LNX2: variants seen among roughly 807,000 people sequenced by gnomAD.
LNX2 encodes the protein ligand of numb-protein X 2.
In LNX2, 35 loss-of-function variants were observed where a neutral mutation model predicts 66.2. The ratio of observed to expected loss-of-function variants is 0.53; its 90% CI spans 0.40 to 0.70. The LOEUF (loss-of-function observed/expected upper bound fraction) is 0.70, where lower values mean the gene tolerates loss of function less well. Ranked by LOEUF, LNX2 falls within the 30% of genes least tolerant of loss-of-function variation. The pLI is 0.00. For missense variants in LNX2, 791 were observed against 850.8 expected, an observed-to-expected ratio of 0.93 and a Z score of 0.87; for synonymous variants, 337 against 315.6, an observed-to-expected ratio of 1.07 and a Z score of -0.72.
At chr13:27,587,284 C>T (rs547910004) in intron 1 of LNX2, among the ~76,000 whole-genome samples, 55 of 152,210 alleles carry the variant, frequency 3.6e-4, no homozygotes, top group African/African-American at 1.2e-3. Flanking sequence ...TACTCTTGAG[C>T]GCTCCCCCCC....
At chr13:27,552,423 A>G (rs1206887675) in intron 8 of LNX2, among the ~76,000 whole-genome samples, 1 of 152,248 alleles carries the variant, frequency 6.6e-6, no homozygotes, top group African/African-American at 2.4e-5. Context: ...CTCAGAAAAT[A>G]GCAAATTCTT....
intron 8 of LNX2, 101 bp downstream of exon 8, chr13:27,553,106 CT>C (rs140699650): frequency 0.017 from 13,666 of 799,748 alleles, 3 homozygotes; most frequent in South Asian, 0.02. Context: ...TGAATTAAAG[CT>C]TTTTTTTTTA....
rs144416412 is a variant in LNX2, at chr13:27,571,837, A to T, written c.408-2561T>A. ...ATACTTGGAACTGAAAGAGAAAGGAAAAACTCAACATTTGTGGAGTGCCTA... is the reference window on the plus strand; with the variant it reads ...ATACTTGGAACTGAAAGAGAAAGGATAAACTCAACATTTGTGGAGTGCCTA... On this transcript the variant is annotated intron_variant, in intron 2 of 9. Transcript: ENST00000316334. 1.8e-4 allele frequency among the ~76,000 whole-genome samples: 27 copies of T among 152,334 alleles called. No individual in the cohort carries two copies. The East Asian group carries it at 4.8e-3, about 27-fold the overall frequency.
chr13:27,599,714 C>T (rs967960753), intron 1 of LNX2, among the ~76,000 whole-genome samples: 1 of 152,126 alleles, frequency 6.6e-6, no homozygotes, highest in African/African-American at 2.4e-5. Context: ...TCTTACTTTC[C>T]TGCAGATTAT....
intron 2 of LNX2, among the ~76,000 whole-genome samples, chr13:27,578,843 T>C (rs567714235): frequency 1.2e-4 from 19 of 152,294 alleles, no homozygotes; most frequent in African/African-American, 4.3e-4. Context: ...CACATAAAGA[T>C]AGCAGAGACA....
At chr13:27,577,263 C>T (rs531527621) in intron 2 of LNX2, among the ~76,000 whole-genome samples, 6 of 152,252 alleles carry the variant, frequency 3.9e-5, no homozygotes, top group Admixed American at 3.3e-4. Flanking sequence ...TACTAGAATA[C>T]ACATGATTTG....
intron 1 of LNX2, among the ~76,000 whole-genome samples, chr13:27,601,922 T>C (rs981816137): frequency 6.6e-6 from 1 of 152,178 alleles, no homozygotes; most frequent in Admixed American, 6.5e-5. Context: ...GGTAAACACT[T>C]GTACTTTACA....
chr13:27,562,371 C>A, intron 5 of LNX2, 42 bp downstream of exon 5: 2 of 1,565,420 alleles, frequency 1.3e-6, no homozygotes, highest in Non-Finnish European at 1.7e-6. Context: ...ACTATATGAT[C>A]ATTTCGGCCA....
intron 4 of LNX2, among the ~76,000 whole-genome samples, chr13:27,566,590 G>A (rs1955208376): frequency 6.6e-6 from 1 of 152,156 alleles, no homozygotes; most frequent in Non-Finnish European, 1.5e-5. Context: ...GTATTAACCT[G>A]GCAGTGATTG....
intron 4 of LNX2, among the ~76,000 whole-genome samples, chr13:27,563,764 CT>C (rs2138345668): frequency 6.6e-6 from 1 of 152,286 alleles, no homozygotes; most frequent in South Asian, 2.1e-4. Context: ...TTAGGCAAGA[CT>C]TTCCTCTTCC....
rs1955437624 is a variant in LNX2, at chr13:27,583,251, T to TGCGCGCGC, written c.-100-1449_-100-1448insGCGCGCGC. On this transcript the variant is annotated intron_variant, in intron 1 of 9. Coordinates refer to ENST00000316334, the MANE Select transcript of LNX2 (RefSeq NM_153371.4). ...GTGTGTGTGTGTGTGTGTGTGTGTG[T>TGCGCGCGC]GTGTGCGCGCGTCCTCTCCAACATA... Among the ~76,000 whole-genome samples, 17 of 46,622 alleles carry TGCGCGCGC rather than the reference T, an allele frequency of 3.6e-4. 4 individuals are homozygous for TGCGCGCGC. Among genetic ancestry groups the TGCGCGCGC allele is most frequent in the Admixed American group, 7.8e-4 (4 of 5,120 alleles). 30.6% of individuals were successfully genotyped at this position (46,622 alleles called of 152,430 possible). A position where few individuals can be genotyped will look rare whatever the true frequency, so the allele number is the denominator to read the frequency against.
At chr13:27,619,249 G>A (rs1372121684) in intron 1 of LNX2, among the ~76,000 whole-genome samples, 1 of 133,764 alleles carries the variant, frequency 7.5e-6, no homozygotes, top group Non-Finnish European at 1.7e-5. Context: ...GTTATTCATG[G>A]CTCAACAAAG....
chr13:27,548,260 C>G lies in LNX2; in HGVS notation c.*75G>C. 6.7e-7 allele frequency: 1 copy of G among 1,482,028 alleles called. No homozygotes were observed. Among genetic ancestry groups the G allele is most frequent in the South Asian group, 1.3e-5 (1 of 79,474 alleles). The allele number at this position is 1,482,028 out of a possible 1,614,324, so 91.8% of individuals were successfully genotyped here. On this transcript the variant is annotated 3_prime_UTR_variant, in exon 10 of 10. Coordinates refer to ENST00000316334, the MANE Select transcript of LNX2 (RefSeq NM_153371.4). ...GTGTCAGCAGCTCCTAAACCACAAA[C>G]ACAATGAAACCAAAGGGTTTTCTTT...
chr13:27,602,837 T>C (rs1056484453), intron 1 of LNX2, among the ~76,000 whole-genome samples: 2 of 152,144 alleles, frequency 1.3e-5, no homozygotes, highest in African/African-American at 2.4e-5. Flanking sequence ...CAACATTTGA[T>C]GCTGTCTTTT....
intron 2 of LNX2, among the ~76,000 whole-genome samples, chr13:27,571,987 C>G (rs1017566742): frequency 2.0e-5 from 3 of 152,176 alleles, no homozygotes; most frequent in African/African-American, 7.2e-5. Flanking sequence ...CAACATCACA[C>G]AGATATTAAA....
intron 4 of LNX2, among the ~76,000 whole-genome samples, chr13:27,563,588 G>A (rs1955168748): frequency 6.6e-6 from 1 of 152,102 alleles, no homozygotes; most frequent in Admixed American, 6.5e-5. Context: ...TATTTCTTTA[G>A]TTACAAGAGA....
At chr13:27,561,161 C>G (rs2138338485) in intron 5 of LNX2, among the ~76,000 whole-genome samples, 1 of 152,256 alleles carries the variant, frequency 6.6e-6, no homozygotes, top group Non-Finnish European at 1.5e-5. Flanking sequence ...ATTTAAAATA[C>G]ATTTTCTATC....
chr13:27,558,087 A>G (rs756654122), intron 6 of LNX2, among the ~76,000 whole-genome samples: 6 of 152,096 alleles, frequency 3.9e-5, no homozygotes, highest in Non-Finnish European at 8.8e-5. Flanking sequence ...AACAAACATG[A>G]ATGTTTATCA....
At chr13:27,550,187 T>A in intron 9 of LNX2, 146 bp downstream of exon 9, 3 of 633,832 alleles carry the variant, frequency 4.7e-6, no homozygotes, top group Non-Finnish European at 7.9e-6. Context: ...AGAGAGTACA[T>A]AAACCAGTAA....
Sources: gnomAD v4.1 joint callset for allele counts (sites outside exome capture counted in the v4.1 genomes callset) on GRCh38, gnomAD v4.1.1 for gene constraint, MANE v1.5 for transcripts, NCBI Gene and HGNC (gene_info 2026-07-23, HGNC 2026-07-21) for gene names.